Variants in LDAH observed in about 807,000 individuals in gnomAD.
LDAH encodes lipid droplet associated hydrolase.
LDAH carries 26 observed loss-of-function variants against 29.6 expected under a neutral mutation model. The observed-to-expected ratio is 0.88, with a 90% CI of 0.64 to 1.22. LDAH has a LOEUF of 1.22. Ranked by LOEUF, LDAH falls within the 50% of genes most tolerant of loss-of-function variation. The pLI is 0.00. For synonymous variants in LDAH, 117 were observed against 133.0 expected, an observed-to-expected ratio of 0.88 and a Z score of 0.83; for missense variants, 344 against 387.3, an observed-to-expected ratio of 0.89 and a Z score of 0.94.
rs547864187 is a variant in LDAH, at chr2:20,812,600, T to A, written c.-3+10437A>T. ...TCCCAGTCACCCTAATTCAAAAGCT[T>A]CTTTGGCAACCCCTGCTATATTTTG... On this transcript the variant is annotated intron_variant, in intron 1 of 6. Transcript: ENST00000237822. 8.5e-5 allele frequency among the ~76,000 whole-genome samples: 13 copies of A among 152,276 alleles called. No individual in the cohort carries two copies. In the South Asian group the frequency reaches 2.5e-3, roughly 29 times the overall value.
At chr2:20,696,522 G>A (rs1261996770) in intron 6 of LDAH, among the ~76,000 whole-genome samples, 1 of 152,192 alleles carries the variant, frequency 6.6e-6, no homozygotes, top group Non-Finnish European at 1.5e-5. Flanking sequence ...CTTACTGATA[G>A]TGATGCTCAG....
At chr2:20,731,048 A>G (rs979317456) in intron 5 of LDAH, among the ~76,000 whole-genome samples, 2 of 152,196 alleles carry the variant, frequency 1.3e-5, no homozygotes, top group Non-Finnish European at 2.9e-5. Context: ...TTCCAAATAC[A>G]TTTTAGAATA....
At position 20,789,256 on chromosome 2, in the gene LDAH, G is replaced by T. The variant is rs761055133; in HGVS notation, c.298+999C>A. ...GGTCTTTGGGAAGTAATTAGGATCAGATGGGGTCATGAGGGTAGAGCCCGC... is the reference window on the plus strand; with the variant it reads ...GGTCTTTGGGAAGTAATTAGGATCATATGGGGTCATGAGGGTAGAGCCCGC... On this transcript the variant is annotated intron_variant, in intron 3 of 6. Transcript: ENST00000237822. 3 of 1,550,462 alleles carry T rather than the reference G, an allele frequency of 1.9e-6. No individual in the cohort carries two copies. In the South Asian group the frequency reaches 3.6e-5, roughly 18 times the overall value.
intron 4 of LDAH, among the ~76,000 whole-genome samples, chr2:20,764,981 CAAT>C (rs1212742698): frequency 6.6e-6 from 1 of 152,074 alleles, no homozygotes; most frequent in Non-Finnish European, 1.5e-5. Context: ...TTAGTAATGA[CAAT>C]AACATCAATT....
chr2:20,799,453 A>C lies in LDAH; in HGVS notation c.154+1857T>G, dbSNP rs569516583. 1.1e-3 allele frequency among the ~76,000 whole-genome samples: 168 copies of C among 152,318 alleles called. 2 individuals are homozygous for C. The highest frequency in any genetic ancestry group is 2.2e-3 in the Non-Finnish European group (148 of 68,022). On this transcript the variant is annotated intron_variant, in intron 2 of 6. Transcript: ENST00000237822. Reference sequence around the variant, plus strand: ...AATGATCATGTCAGGGTGTTTTAGTACATTCACTTTGAGTATTCATCATTT... The same window carrying C: ...AATGATCATGTCAGGGTGTTTTAGTCCATTCACTTTGAGTATTCATCATTT...
intron 3 of LDAH, among the ~76,000 whole-genome samples, chr2:20,779,825 G>A (rs781059940): frequency 5.9e-5 from 9 of 152,044 alleles, no homozygotes; most frequent in Admixed American, 2.0e-4. Context: ...ATTGACATGC[G>A]GTTGTTCCTA....
chr2:20,811,616 C>T (rs1315662548), intron 1 of LDAH, among the ~76,000 whole-genome samples: 1 of 151,876 alleles, frequency 6.6e-6, no homozygotes, highest in African/African-American at 2.4e-5. Context: ...TCCCGAGTAG[C>T]TGGGACGACA....
At chr2:20,690,886 G>A (rs933874144) in intron 6 of LDAH, among the ~76,000 whole-genome samples, 67 of 122,780 alleles carry the variant, frequency 5.5e-4, no homozygotes, top group African/African-American at 1.8e-3. Context: ...TTATCTCGTT[G>A]TATCCTCACA....
At chr2:20,736,045 C>T (rs536484364) in intron 5 of LDAH, among the ~76,000 whole-genome samples, 4 of 152,292 alleles carry the variant, frequency 2.6e-5, no homozygotes, top group African/African-American at 7.2e-5. Flanking sequence ...TGCTTCATTA[C>T]TGCTGGGGAG....
intron 3 of LDAH, among the ~76,000 whole-genome samples, chr2:20,787,685 A>C (rs1425280868): frequency 1.3e-5 from 2 of 152,242 alleles, no homozygotes; most frequent in Non-Finnish European, 2.9e-5. Context: ...TATTTTTAAA[A>C]AAATTCTATG....
rs146284831 is a variant in LDAH at position 20,741,856 on chromosome 2, C to A, written c.469-1651G>T. On this transcript the variant is annotated intron_variant, in intron 4 of 6. Transcript: ENST00000237822. ...TTGAGTGCATACACATTTTCTTTAT[C>A]CATTCATCTGCTGATGGACACTTAG... 3.4e-3 allele frequency among the ~76,000 whole-genome samples: 511 copies of A among 152,248 alleles called. 1 individual carries two copies. Among genetic ancestry groups the A allele is most frequent in the African/African-American group, 0.011 (451 of 41,540 alleles).
intron 3 of LDAH, among the ~76,000 whole-genome samples, chr2:20,779,756 T>C (rs1670058019): frequency 6.6e-6 from 1 of 152,166 alleles, no homozygotes; most frequent in South Asian, 2.1e-4. Context: ...GATTGTTATA[T>C]AACTCTATTT....
At chr2:20,762,078 C>T (rs1668727870) in intron 4 of LDAH, among the ~76,000 whole-genome samples, 1 of 151,856 alleles carries the variant, frequency 6.6e-6, no homozygotes, top group Non-Finnish European at 1.5e-5. Context: ...TTCTGACATC[C>T]TTAATATTCT....
At chr2:20,727,894 T>C (rs1666126972) in intron 5 of LDAH, among the ~76,000 whole-genome samples, 1 of 152,192 alleles carries the variant, frequency 6.6e-6, no homozygotes, top group African/African-American at 2.4e-5. Flanking sequence ...CACTAACTGA[T>C]GTAGGGCTAC....
chr2:20,757,717 T>C (rs1054752680), intron 4 of LDAH, among the ~76,000 whole-genome samples: 4 of 152,196 alleles, frequency 2.6e-5, no homozygotes, highest in Admixed American at 1.3e-4. Context: ...ATCCAATCAG[T>C]TGAAGGTCTG....
At chr2:20,734,777 C>G (rs1268320484) in intron 5 of LDAH, among the ~76,000 whole-genome samples, 3 of 152,188 alleles carry the variant, frequency 2.0e-5, no homozygotes, top group South Asian at 2.1e-4. Flanking sequence ...ATCATTTCCT[C>G]TCTGTTGAGA....
intron 2 of LDAH, among the ~76,000 whole-genome samples, chr2:20,793,691 A>T (rs28705756): frequency 3.3e-5 from 5 of 152,144 alleles, no homozygotes; most frequent in East Asian, 1.9e-4. Context: ...ATTTAAATTT[A>T]AAAAAAGTCT....
intron 5 of LDAH, among the ~76,000 whole-genome samples, chr2:20,710,642 A>G (rs1664670734): frequency 7.1e-6 from 1 of 140,186 alleles, no homozygotes; most frequent in Admixed American, 7.4e-5. Context: ...ATAGATATAT[A>G]GTATACATAT....
At chr2:20,794,242 T>C (rs1671160089) in intron 2 of LDAH, among the ~76,000 whole-genome samples, 1 of 152,120 alleles carries the variant, frequency 6.6e-6, no homozygotes, top group African/African-American at 2.4e-5. Context: ...AAGAACAGCA[T>C]GAGAAAGACC....
Sources: gnomAD v4.1 joint callset for allele counts (sites outside exome capture counted in the v4.1 genomes callset) on GRCh38, gnomAD v4.1.1 for gene constraint, MANE v1.5 for transcripts, NCBI Gene and HGNC (gene_info 2026-07-23, HGNC 2026-07-21) for gene names.